CERKL: variants seen among roughly 807,000 people sequenced by gnomAD.
CERKL encodes ceramide kinase-like protein.
CERKL carries 61 observed loss-of-function variants against 63.4 expected under a neutral mutation model. The observed-to-expected ratio is 0.96, with a 90% CI of 0.78 to 1.19. CERKL has a LOEUF of 1.19. Ranked by LOEUF, CERKL falls within the 50% of genes most tolerant of loss-of-function variation. The pLI is 0.00. For missense variants in CERKL, 675 were observed against 655.5 expected, an observed-to-expected ratio of 1.03 and a Z score of -0.33; for synonymous variants, 250 against 230.5, an observed-to-expected ratio of 1.08 and a Z score of -0.77.
intron 12 of CERKL, among the ~76,000 whole-genome samples, chr2:181,538,445 C>T (rs1217378841): frequency 6.6e-6 from 1 of 152,144 alleles, no homozygotes; most frequent in African/African-American, 2.4e-5. Context: ...CCTTAACTGA[C>T]TTCCTTGATT....
intron 1 of CERKL, among the ~76,000 whole-genome samples, chr2:181,648,573 A>G (rs941179224): frequency 2.6e-5 from 4 of 152,244 alleles, no homozygotes; most frequent in African/African-American, 4.8e-5. Context: ...TGAAAAAATG[A>G]TAACTATCAT....
chr2:181,632,669 T>C (rs1687017105), intron 1 of CERKL, among the ~76,000 whole-genome samples: 1 of 152,192 alleles, frequency 6.6e-6, no homozygotes, highest in Admixed American at 6.5e-5. Context: ...GGAAAATTGT[T>C]AAAGAGTCTT....
chr2:181,555,655 T>C (rs538865276), intron 5 of CERKL, among the ~76,000 whole-genome samples: 30 of 152,088 alleles, frequency 2.0e-4, no homozygotes, highest in Non-Finnish European at 4.0e-4. Flanking sequence ...TTATTTTCTA[T>C]AATCATAGGG....
intron 5 of CERKL, among the ~76,000 whole-genome samples, chr2:181,554,590 T>C (rs1423296943): frequency 6.6e-6 from 1 of 152,104 alleles, no homozygotes; most frequent in Non-Finnish European, 1.5e-5. Flanking sequence ...AGTCTCTCAG[T>C]ATAGTTCCTT....
intron 2 of CERKL, among the ~76,000 whole-genome samples, chr2:181,585,222 A>T (rs1383728301): frequency 2.0e-5 from 3 of 152,156 alleles, no homozygotes; most frequent in Non-Finnish European, 2.9e-5. Flanking sequence ...CTTGAGGTCA[A>T]GAACTTCATG....
At chr2:181,650,799 T>G (rs1687898731) in intron 1 of CERKL, among the ~76,000 whole-genome samples, 1 of 151,348 alleles carries the variant, frequency 6.6e-6, no homozygotes, top group South Asian at 2.1e-4. Context: ...CAGAACAAAC[T>G]AATCCCAAAG....
chr2:181,625,013 A>G (rs984658615), intron 1 of CERKL, among the ~76,000 whole-genome samples: 2 of 152,226 alleles, frequency 1.3e-5, no homozygotes, highest in African/African-American at 4.8e-5. Flanking sequence ...ATTTGAAGCC[A>G]GAAACTAGAG....
chr2:181,595,190 A>G (rs1324850249), intron 2 of CERKL, among the ~76,000 whole-genome samples: 2 of 151,402 alleles, frequency 1.3e-5, no homozygotes, highest in African/African-American at 4.9e-5. Flanking sequence ...TCTGTCACAA[A>G]TCAGTGTGTT....
intron 2 of CERKL, among the ~76,000 whole-genome samples, chr2:181,596,564 C>T (rs994310267): frequency 1.3e-5 from 2 of 152,150 alleles, no homozygotes; most frequent in African/African-American, 4.8e-5. Context: ...ACCAGTCATA[C>T]AGTAAAACTC....
chr2:181,572,024 A>C (rs889890124), intron 3 of CERKL, among the ~76,000 whole-genome samples: 1 of 152,100 alleles, frequency 6.6e-6, no homozygotes, highest in Non-Finnish European at 1.5e-5. Context: ...ATAATGTAAA[A>C]ACTGAGGAAA....
chr2:181,573,607 C>T (rs949929292), intron 3 of CERKL, 146 bp downstream of exon 3: 8 of 465,960 alleles, frequency 1.7e-5, no homozygotes, highest in Middle Eastern at 5.6e-4. Context: ...TTATAACCCT[C>T]GAGCTGGCTG....
Position 181,537,249 on chromosome 2 carries a change from ATTTGGTTCTTT to A in CERKL, c.*924_*934del. 2.2e-6 allele frequency: 1 copy of A among 453,842 alleles called. No individual in the cohort carries two copies. Among genetic ancestry groups the A allele is most frequent in the South Asian group, 1.6e-5 (1 of 64,466 alleles). The allele number at this position is 453,842 out of a possible 1,614,324, so 28.1% of individuals were successfully genotyped here. On this transcript the variant is annotated 3_prime_UTR_variant, in exon 13 of 13. Transcript: ENST00000410087. The stretch of plus-strand genomic sequence containing the variant: ...CAGGATGGTCTCTAAGGAAATTTAC[ATTTGGTTCTTT>A]CCTACTCAGAACTACTCAGAAACAA...
intron 1 of CERKL, among the ~76,000 whole-genome samples, chr2:181,625,317 C>A (rs536866720): frequency 5.3e-5 from 8 of 149,848 alleles, no homozygotes; most frequent in African/African-American, 2.0e-4. Flanking sequence ...GAATGAAAAA[C>A]AGAGTGAATG....
chr2:181,567,754 T>C (rs913552499), intron 3 of CERKL, among the ~76,000 whole-genome samples: 8 of 152,090 alleles, frequency 5.3e-5, no homozygotes, highest in African/African-American at 1.9e-4. Flanking sequence ...TATGAAGTAA[T>C]AGGTGGTTAT....
chr2:181,648,678 T>G (rs888357658), intron 1 of CERKL, among the ~76,000 whole-genome samples: 1 of 152,172 alleles, frequency 6.6e-6, no homozygotes, highest in Non-Finnish European at 1.5e-5. Flanking sequence ...TGTAAACCTG[T>G]CGATCCTCTA....
chr2:181,602,622 C>A (rs1203770934), intron 2 of CERKL, among the ~76,000 whole-genome samples: 3 of 152,186 alleles, frequency 2.0e-5, no homozygotes, highest in Non-Finnish European at 4.4e-5. Flanking sequence ...AATGTAATGT[C>A]ACTTCAGCTC....
chr2:181,625,722 A>T (rs890258162), intron 1 of CERKL, among the ~76,000 whole-genome samples: 2 of 152,156 alleles, frequency 1.3e-5, no homozygotes, highest in Non-Finnish European at 2.9e-5. Flanking sequence ...TTTGAGCCTG[A>T]CGGGTCATTC....
intron 2 of CERKL, among the ~76,000 whole-genome samples, chr2:181,587,345 G>A (rs1684810709): frequency 6.6e-6 from 1 of 152,278 alleles, no homozygotes; most frequent in Non-Finnish European, 1.5e-5. Context: ...ATCACCTGCT[G>A]CCGGAATAAT....
At chr2:181,652,101 G>A (rs1366418073) in intron 1 of CERKL, among the ~76,000 whole-genome samples, 1 of 152,046 alleles carries the variant, frequency 6.6e-6, no homozygotes, top group Non-Finnish European at 1.5e-5. Context: ...TGGATTTAAT[G>A]CAATTGCTAT....
Sources: allele counts gnomAD v4.1 joint callset (sites outside exome capture counted in the v4.1 genomes callset), GRCh38; gene constraint gnomAD v4.1.1; transcripts MANE v1.5; gene names NCBI Gene and HGNC (gene_info 2026-07-23, HGNC 2026-07-21).